The following ZBTB7C variants were observed in gnomAD, a reference collection of about 807,000 sequenced individuals.
ZBTB7C encodes the protein zinc finger and BTB domain-containing protein 7C.
A neutral mutation model predicts 25.7 loss-of-function variants in ZBTB7C; 8 were observed. The ratio of observed to expected loss-of-function variants is 0.31; its 90% CI spans 0.18 to 0.56. The LOEUF (loss-of-function observed/expected upper bound fraction) is 0.56, where lower values mean the gene tolerates loss of function less well. Among genes scored for constraint, ZBTB7C ranks in the 20% least tolerant of loss-of-function variants. The pLI is 0.91. For missense variants in ZBTB7C, 824 were observed against 855.2 expected, an observed-to-expected ratio of 0.96 and a Z score of 0.46; for synonymous variants, 394 against 369.0, an observed-to-expected ratio of 1.07 and a Z score of -0.78.
chr18:48,077,310 C>A (rs1471940403), intron 3 of ZBTB7C, among the ~76,000 whole-genome samples: 1 of 152,066 alleles, frequency 6.6e-6, no homozygotes, highest in African/African-American at 2.4e-5. Context: ...CACACACACA[C>A]AAAGGTAACT....
intron 2 of ZBTB7C, among the ~76,000 whole-genome samples, chr18:48,192,321 TAGAC>T (rs1461468658): frequency 2.0e-5 from 3 of 152,184 alleles, no homozygotes; most frequent in African/African-American, 4.8e-5. Flanking sequence ...AAGGGATCAA[TAGAC>T]AGAGTACAGA....
chr18:48,219,454 G>A (rs1318671726), intron 2 of ZBTB7C, among the ~76,000 whole-genome samples: 1 of 152,236 alleles, frequency 6.6e-6, no homozygotes, highest in African/African-American at 2.4e-5. Flanking sequence ...AATGAGGCAA[G>A]TACCATATCA....
At chr18:48,224,709 C>G (rs936892784) in intron 2 of ZBTB7C, among the ~76,000 whole-genome samples, 8 of 152,186 alleles carry the variant, frequency 5.3e-5, no homozygotes, top group African/African-American at 9.7e-5. Context: ...ACCCGTAAGG[C>G]CTTTTTCCCA....
At chr18:48,077,458 A>T (rs371372507) in intron 3 of ZBTB7C, among the ~76,000 whole-genome samples, 71 of 152,286 alleles carry the variant, frequency 4.7e-4, no homozygotes, top group African/African-American at 1.7e-3. Context: ...AACGCACAAA[A>T]CCAGGGAGTG....
chr18:48,205,176 A>G (rs1170503003), intron 2 of ZBTB7C, among the ~76,000 whole-genome samples: 1 of 151,890 alleles, frequency 6.6e-6, no homozygotes, highest in East Asian at 1.9e-4. Flanking sequence ...AGGACATCTA[A>G]CCCCTTAGTT....
chr18:48,407,763 G>C (rs908736224), intron 1 of ZBTB7C, among the ~76,000 whole-genome samples: 1 of 152,138 alleles, frequency 6.6e-6, no homozygotes, highest in Admixed American at 6.5e-5. Flanking sequence ...ATGTACTTGT[G>C]GGGGCAGGGA....
At chr18:48,288,398 C>T (rs2045120101) in intron 2 of ZBTB7C, among the ~76,000 whole-genome samples, 1 of 152,104 alleles carries the variant, frequency 6.6e-6, no homozygotes, top group Non-Finnish European at 1.5e-5. Context: ...CCTGTAATCC[C>T]CCACTTTGGG....
At chr18:48,114,578 G>A (rs1303011790) in intron 3 of ZBTB7C, among the ~76,000 whole-genome samples, 2 of 151,990 alleles carry the variant, frequency 1.3e-5, no homozygotes, top group Non-Finnish European at 2.9e-5. Context: ...TCCAGCCTGG[G>A]CAACAGAGAA....
At chr18:48,321,328 G>A (rs1359580405) in intron 2 of ZBTB7C, among the ~76,000 whole-genome samples, 1 of 152,214 alleles carries the variant, frequency 6.6e-6, no homozygotes, top group East Asian at 1.9e-4. Context: ...CACCTCTGGA[G>A]GGCTTGCTCA....
At chr18:48,202,860 C>A in intron 2 of ZBTB7C, among the ~76,000 whole-genome samples, 1 of 151,422 alleles carries the variant, frequency 6.6e-6, no homozygotes, top group East Asian at 1.9e-4. Flanking sequence ...AACCCACAAC[C>A]CTGGGCAGAG....
At chr18:48,071,017 G>A (rs975146229) in intron 3 of ZBTB7C, among the ~76,000 whole-genome samples, 2 of 152,184 alleles carry the variant, frequency 1.3e-5, no homozygotes, top group African/African-American at 4.8e-5. Context: ...GGTTCTTAAG[G>A]GGAGAGAGCA....
At chr18:48,411,254 G>C (rs62086554), upstream of ZBTB7C, among the ~76,000 whole-genome samples, 2 of 112,606 alleles carry the variant, frequency 1.8e-5, no homozygotes, top group African/African-American at 5.3e-5. Context: ...TTCCTACTAA[G>C]TAAATTTCAC....
intron 2 of ZBTB7C, among the ~76,000 whole-genome samples, chr18:48,241,884 AT>A (rs2043539714): frequency 6.6e-6 from 1 of 152,134 alleles, no homozygotes; most frequent in Admixed American, 6.5e-5. Flanking sequence ...CATTAAAAAA[AT>A]ACAAAAGATA....
chr18:48,201,157 T>C (rs1303112178), intron 2 of ZBTB7C, among the ~76,000 whole-genome samples: 1 of 152,208 alleles, frequency 6.6e-6, no homozygotes, highest in Non-Finnish European at 1.5e-5. Context: ...TTCCCCTCCA[T>C]GGCTTCCCCC....
intron 3 of ZBTB7C, among the ~76,000 whole-genome samples, chr18:48,045,676 C>A (rs1486650772): frequency 1.3e-5 from 2 of 152,222 alleles, no homozygotes; most frequent in East Asian, 3.8e-4. Context: ...AACCCTTTCC[C>A]CATCCCTCAA....
At chr18:48,276,353 G>A (rs1301385024) in intron 2 of ZBTB7C, among the ~76,000 whole-genome samples, 1 of 149,916 alleles carries the variant, frequency 6.7e-6, no homozygotes, top group African/African-American at 2.5e-5. Context: ...ACATTGTGCA[G>A]GTTAGATACA....
chr18:48,399,058 G>A (rs967486117), intron 1 of ZBTB7C, among the ~76,000 whole-genome samples: 2 of 152,200 alleles, frequency 1.3e-5, no homozygotes, highest in African/African-American at 4.8e-5. Flanking sequence ...GGTTAGATAA[G>A]TCAAGGTATA....
intron 3 of ZBTB7C, among the ~76,000 whole-genome samples, chr18:48,086,434 G>C (rs1203666495): frequency 6.6e-6 from 1 of 152,160 alleles, no homozygotes; most frequent in Non-Finnish European, 1.5e-5. Flanking sequence ...CTACTGCCCT[G>C]TAAAGCGGCA....
intron 1 of ZBTB7C, among the ~76,000 whole-genome samples, chr18:48,348,692 C>T (rs1006638474): frequency 1.3e-5 from 2 of 152,360 alleles, no homozygotes; most frequent in East Asian, 1.9e-4. Context: ...TGGCACATGC[C>T]TATAATCCCC....
Sources: allele counts gnomAD v4.1 joint callset (sites outside exome capture counted in the v4.1 genomes callset), GRCh38; gene constraint gnomAD v4.1.1; transcripts MANE v1.5; gene names NCBI Gene and HGNC (gene_info 2026-07-23, HGNC 2026-07-21).